The following RXFP1 variants were observed in gnomAD, a reference collection of about 807,000 sequenced individuals.
RXFP1 encodes relaxin family peptide receptor 1.
In RXFP1, 73 loss-of-function variants were observed where a neutral mutation model predicts 89.8. The ratio of observed to expected loss-of-function variants is 0.81; its 90% CI spans 0.67 to 0.99. The LOEUF (loss-of-function observed/expected upper bound fraction) is 0.99, where lower values mean the gene tolerates loss of function less well. RXFP1 is among the 50% of genes least tolerant of loss of function. The pLI is 0.00. For synonymous variants in RXFP1, 277 were observed against 305.5 expected, an observed-to-expected ratio of 0.91 and a Z score of 0.97; for missense variants, 793 against 895.5, an observed-to-expected ratio of 0.89 and a Z score of 1.46.
intron 1 of RXFP1, among the ~76,000 whole-genome samples, chr4:158,547,942 A>G (rs1748951535): frequency 6.6e-6 from 1 of 152,042 alleles, no homozygotes; most frequent in Non-Finnish European, 1.5e-5. Flanking sequence ...TTGGGGTGGA[A>G]AGTTCTGTAG....
intron 10 of RXFP1, among the ~76,000 whole-genome samples, chr4:158,627,632 G>A (rs1222946242): frequency 2.6e-5 from 4 of 151,228 alleles, no homozygotes; most frequent in East Asian, 1.9e-4. Context: ...GACTACACAG[G>A]ACCCCTGTAT....
intron 1 of RXFP1, among the ~76,000 whole-genome samples, chr4:158,547,545 G>A (rs1430669653): frequency 1.3e-5 from 2 of 151,952 alleles, no homozygotes; most frequent in African/African-American, 4.8e-5. Context: ...TGACGTTAGG[G>A]TGTCAATTTT....
At chr4:158,557,925 G>A (rs771188119) in intron 1 of RXFP1, among the ~76,000 whole-genome samples, 1 of 152,048 alleles carries the variant, frequency 6.6e-6, no homozygotes, top group Non-Finnish European at 1.5e-5. Flanking sequence ...AATTATTAAT[G>A]TCCTGCTCCC....
chr4:158,622,811 C>CT (rs1349473689), intron 9 of RXFP1, among the ~76,000 whole-genome samples: 1 of 152,064 alleles, frequency 6.6e-6, no homozygotes, highest in Non-Finnish European at 1.5e-5. Context: ...TTTAATAACA[C>CT]TGTATTGTAT....
At chr4:158,649,909 A>C (rs115920977) in intron 17 of RXFP1, among the ~76,000 whole-genome samples, 4 of 152,374 alleles carry the variant, frequency 2.6e-5, no homozygotes, top group African/African-American at 9.6e-5. Flanking sequence ...AACAATTGAA[A>C]GCAGGGACTC....
chr4:158,647,335 A>G (rs2150265965), intron 16 of RXFP1, 134 bp downstream of exon 16: 1 of 685,450 alleles, frequency 1.5e-6, no homozygotes, highest in South Asian at 2.3e-5. Flanking sequence ...ACTCTGATAT[A>G]AATTCCAACC....
chr4:158,545,276 G>A lies in RXFP1; in HGVS notation c.49+23251G>A, dbSNP rs201916257. On this transcript the variant is annotated intron_variant, in intron 1 of 17. Coordinates refer to ENST00000307765, the MANE Select transcript of RXFP1 (RefSeq NM_021634.4). ...TGAGAAGTGTCTGTTCATATCCTTC[G>A]CCCACTTTTTGATGGGGTTGTTTGT... Among the ~76,000 whole-genome samples, 30 of 150,138 alleles carry A rather than the reference G, an allele frequency of 2.0e-4. No individual in the cohort carries two copies. In the East Asian group the frequency reaches 2.3e-3, roughly 12 times the overall value.
chr4:158,643,206 T>C (rs1770726410), intron 14 of RXFP1, among the ~76,000 whole-genome samples: 1 of 152,194 alleles, frequency 6.6e-6, no homozygotes, highest in Non-Finnish European at 1.5e-5. Flanking sequence ...CATTCACCTG[T>C]GCAAGCTTCT....
intron 5 of RXFP1, among the ~76,000 whole-genome samples, chr4:158,607,701 T>A (rs1239096104): frequency 2.0e-5 from 3 of 152,234 alleles, no homozygotes; most frequent in African/African-American, 4.8e-5. Flanking sequence ...TGTACATAAA[T>A]TTAACAGAAA....
At position 158,527,564 on chromosome 4, in the gene RXFP1, A is replaced by AAAAAAATATATATAT. The variant is rs5741905; in HGVS notation, c.49+5540_49+5541insAAAAATATATATATA. Among the ~76,000 whole-genome samples the AAAAAAATATATATAT allele has an allele frequency of 1.5e-4, 15 of 98,326 alleles. No homozygotes were observed. In the East Asian group the frequency reaches 1.9e-3, roughly 12 times the overall value. 64.5% of individuals were successfully genotyped at this position (98,326 alleles called of 152,430 possible). ...ATCTCCCCCGCTCCAAAAAAAAAAA[A>AAAAAAATATATATAT]ATATATATATATATGTATATATATA... On this transcript the variant is annotated intron_variant, in intron 1 of 17. Coordinates refer to ENST00000307765, the MANE Select transcript of RXFP1 (RefSeq NM_021634.4).
rs199773919 is a variant in RXFP1, at chr4:158,628,679, C to A, written c.869C>A (p.Thr290Asn). Residue 290 changes from threonine (T) to asparagine (N), a missense_variant, in exon 11 of 18, where the codon ACT (threonine) becomes AAT (asparagine). Thr to Asn is a moderately conservative substitution (Grantham distance 65). Transcript: ENST00000307765. Reference protein sequence around the residue: ...KNKINHLNENTFAPLQKLDEL... With the variant: ...KNKINHLNENNFAPLQKLDEL... The stretch of plus-strand genomic sequence containing the variant: ...AAAATTAATCACTTAAATGAAAATA[C>A]TTTTGCACCTCTCCAGAAACTGGAT... The A allele has an allele frequency of 1.3e-6, 2 of 1,578,398 alleles. No homozygotes were observed. Among genetic ancestry groups the A allele is most frequent in the African/African-American group, 1.4e-5 (1 of 74,002 alleles).
rs566799877 is a variant in RXFP1, at chr4:158,556,833, A to C, written c.50-15865A>C. Among the ~76,000 whole-genome samples, 4 of 152,190 alleles carry C rather than the reference A, an allele frequency of 2.6e-5. No individual in the cohort carries two copies. The South Asian group carries it at 8.3e-4, about 32-fold the overall frequency. ...ATAAGTAAAATAAGCCAGACACAGA[A>C]AGACAAATTCTGCATGATCGCATTC... On this transcript the variant is annotated intron_variant, in intron 1 of 17. Coordinates refer to ENST00000307765, the MANE Select transcript of RXFP1 (RefSeq NM_021634.4).
chr4:158,651,773 G>A lies in RXFP1; in HGVS notation c.1992G>A (p.Trp664Ter). 1 of 1,610,126 alleles carries A rather than the reference G, an allele frequency of 6.2e-7. No individual in the cohort carries two copies. Among genetic ancestry groups the A allele is most frequent in the Non-Finnish European group, 8.5e-7 (1 of 1,178,002 alleles). Residue 664 changes from tryptophan to a stop codon, truncating the protein, a stop_gained, in exon 18 of 18, where the codon TGG (tryptophan) becomes TGA (stop). Transcript: ENST00000307765. LOFTEE classifies it high-confidence loss of function. ...CTTTTTTAGGTACCATAACCTCTTGGGTAGTGATTTTTATTCTGCCCATTA... is the reference window on the plus strand; with the variant it reads ...CTTTTTTAGGTACCATAACCTCTTGAGTAGTGATTTTTATTCTGCCCATTA... ...QVEIPGTITS[W>*]VVIFILPINS...
intron 11 of RXFP1, among the ~76,000 whole-genome samples, chr4:158,632,973 C>A: frequency 6.6e-6 from 1 of 152,190 alleles, no homozygotes; most frequent in East Asian, 1.9e-4. Context: ...AGTTCGAGAC[C>A]AACCTGGCCA....
At chr4:158,530,377 C>T (rs920628270) in intron 1 of RXFP1, among the ~76,000 whole-genome samples, 1 of 152,188 alleles carries the variant, frequency 6.6e-6, no homozygotes, top group Non-Finnish European at 1.5e-5. Context: ...CATAAAACCT[C>T]AGATTCTTTT....
At position 158,605,087 on chromosome 4, in the gene RXFP1, A is replaced by G. The variant is rs1762330024; in HGVS notation, c.412A>G (p.Ile138Val). The change falls in exon 5 of 18, where the codon ATA becomes GTA. Residue 138 changes from isoleucine (I) to valine (V), a missense_variant. Transcript: ENST00000307765. ...TTTCAGGTCACTTCAGTGGAACTTA[A>G]TAAGAAAGCTTCCTCCTGATTGCTT... The part of the protein sequence containing the change: ...VTAMSLQWNL[I>V]RKLPPDCFKN... 6.3e-7 allele frequency: 1 copy of G among 1,589,514 alleles called. No homozygotes were observed. Among genetic ancestry groups the G allele is most frequent in the Non-Finnish European group, 8.6e-7 (1 of 1,162,302 alleles).
At chr4:158,529,244 TTTGTTG>T (rs70962613) in intron 1 of RXFP1, among the ~76,000 whole-genome samples, 9 of 110,050 alleles carry the variant, frequency 8.2e-5, no homozygotes, top group African/African-American at 3.0e-4. Context: ...TTGCTTGTTT[TTTGTTG>T]TTGTTGTTGT....
intron 15 of RXFP1, chr4:158,646,436 C>A: frequency 8.2e-7 from 1 of 1,216,132 alleles, no homozygotes; most frequent in Non-Finnish European, 1.1e-6. Flanking sequence ...CCATCCTCAT[C>A]TGAGTCCCTA....
At chr4:158,619,325 G>A (rs1391961999) in intron 9 of RXFP1, among the ~76,000 whole-genome samples, 2 of 152,170 alleles carry the variant, frequency 1.3e-5, no homozygotes, top group Non-Finnish European at 2.9e-5. Flanking sequence ...TCATAATTTT[G>A]TGGAGCCCAT....
Sources: allele counts gnomAD v4.1 joint callset (sites outside exome capture counted in the v4.1 genomes callset), GRCh38; gene constraint gnomAD v4.1.1; transcripts MANE v1.5; gene names NCBI Gene and HGNC (gene_info 2026-07-23, HGNC 2026-07-21).